TTC7B: variants seen among roughly 807,000 people sequenced by gnomAD.
TTC7B encodes the protein tetratricopeptide repeat domain 7B, also known as tetratricopeptide repeat protein 7B.
A neutral mutation model predicts 106.8 loss-of-function variants in TTC7B; 28 were observed. That is an observed-to-expected ratio of 0.26 (90% confidence interval 0.19 to 0.36). TTC7B has a LOEUF of 0.36. Ranked by LOEUF, TTC7B falls within the 10% of genes least tolerant of loss-of-function variation. The probability of loss-of-function intolerance (pLI) is 1.00; values close to 1 mark genes in which losing one functional copy is unlikely to be tolerated. For synonymous variants in TTC7B, 405 were observed against 430.6 expected (o/e 0.94, Z 0.74); for missense variants, 862 against 1,076.4 (o/e 0.80, Z 2.79).
At chr14:90,553,790 C>G (rs1055238644) in intron 19 of TTC7B, among the ~76,000 whole-genome samples, 1 of 152,214 alleles carries the variant, frequency 6.6e-6, no homozygotes, top group Non-Finnish European at 1.5e-5. Flanking sequence ...CATAGCTCCT[C>G]GAAGGAGACC....
At chr14:90,780,693 T>C (rs1279471778) in intron 3 of TTC7B, 45 bp downstream of exon 3, 1 of 1,587,360 alleles carries the variant, frequency 6.3e-7, no homozygotes, top group Non-Finnish European at 8.6e-7. Flanking sequence ...GAGGCGCTGC[T>C]GGCTCCAGGT....
chr14:90,754,450 G>C (rs2140010184), intron 3 of TTC7B, among the ~76,000 whole-genome samples: 1 of 152,312 alleles, frequency 6.6e-6, no homozygotes, highest in Middle Eastern at 3.4e-3. Context: ...CAGACACACA[G>C]AAAACAGTAA....
At chr14:90,628,322 G>A (rs779153477) in intron 15 of TTC7B, among the ~76,000 whole-genome samples, 2 of 152,146 alleles carry the variant, frequency 1.3e-5, no homozygotes, top group African/African-American at 2.4e-5. Context: ...AGCAAGTCCC[G>A]GGCCTCTTCT....
At chr14:90,561,344 G>A (rs1467887292) in intron 19 of TTC7B, among the ~76,000 whole-genome samples, 3 of 151,644 alleles carry the variant, frequency 2.0e-5, no homozygotes, top group African/African-American at 7.3e-5. Flanking sequence ...GTGTGCACGT[G>A]TGTGTGCATG....
At chr14:90,561,227 G>C (rs1459083431) in intron 19 of TTC7B, among the ~76,000 whole-genome samples, 3 of 152,218 alleles carry the variant, frequency 2.0e-5, no homozygotes, top group Non-Finnish European at 4.4e-5. Context: ...CTCCCCCGAG[G>C]GGCTGGGCCG....
chr14:90,766,279 A>G (rs1028415481), intron 3 of TTC7B, among the ~76,000 whole-genome samples: 4 of 152,106 alleles, frequency 2.6e-5, no homozygotes, highest in African/African-American at 9.7e-5. Flanking sequence ...ACAAAAATGG[A>G]AAGAGCAGCC....
At chr14:90,758,273 T>C (rs1462252220) in intron 3 of TTC7B, among the ~76,000 whole-genome samples, 1 of 145,438 alleles carries the variant, frequency 6.9e-6, no homozygotes, top group African/African-American at 2.5e-5. Flanking sequence ...GAACCAGTCC[T>C]GCAGTCCTGC....
intron 19 of TTC7B, among the ~76,000 whole-genome samples, chr14:90,554,322 G>A (rs951267775): frequency 2.6e-5 from 4 of 152,192 alleles, no homozygotes; most frequent in Admixed American, 6.5e-5. Flanking sequence ...TTCCCCAAAG[G>A]ACCAGCCATC....
intron 5 of TTC7B, among the ~76,000 whole-genome samples, chr14:90,722,468 A>C (rs575203163): frequency 1.3e-5 from 2 of 152,174 alleles, no homozygotes; most frequent in African/African-American, 4.8e-5. Flanking sequence ...TGGCTTCTCC[A>C]CACCTAGAGA....
Position 90,547,403 on chromosome 14 carries a change from G to A in TTC7B, c.2311-5814C>T, listed in dbSNP as rs536514126. Reference sequence around the variant, plus strand: ...GGGCGCCTGTGCCAGAGCCCCGGAAGGCTCCTGTGTGCAAGGTTTCCTGCT... The same window carrying A: ...GGGCGCCTGTGCCAGAGCCCCGGAAAGCTCCTGTGTGCAAGGTTTCCTGCT... On this transcript the variant is annotated intron_variant, in intron 19 of 19. Coordinates refer to ENST00000328459, the MANE Select transcript of TTC7B (RefSeq NM_001010854.2). Among the ~76,000 whole-genome samples the A allele has an allele frequency of 1.8e-4, 28 of 152,376 alleles. No individual in the cohort carries two copies. In the South Asian group the frequency reaches 4.3e-3, roughly 24 times the overall value.
At chr14:90,592,867 T>C (rs967634470) in intron 18 of TTC7B, among the ~76,000 whole-genome samples, 8 of 152,088 alleles carry the variant, frequency 5.3e-5, no homozygotes, top group African/African-American at 9.7e-5. Context: ...TGTCTCTCTA[T>C]GAAATTACAG....
At chr14:90,810,828 CA>C (rs1406135034) in intron 1 of TTC7B, among the ~76,000 whole-genome samples, 1 of 152,226 alleles carries the variant, frequency 6.6e-6, no homozygotes, top group Non-Finnish European at 1.5e-5. Flanking sequence ...CAGACCTTGA[CA>C]GATGGGTAGG....
chr14:90,712,088 G>A, intron 5 of TTC7B, among the ~76,000 whole-genome samples: 1 of 152,164 alleles, frequency 6.6e-6, no homozygotes, highest in Non-Finnish European at 1.5e-5. Flanking sequence ...GTAACCATAA[G>A]AGAAGTAGTG....
chr14:90,609,362 G>A (rs996366519), intron 17 of TTC7B, among the ~76,000 whole-genome samples: 1 of 152,226 alleles, frequency 6.6e-6, no homozygotes, highest in Non-Finnish European at 1.5e-5. Flanking sequence ...CAGGACTTTT[G>A]GATCTGATTT....
At chr14:90,756,078 C>T (rs1433200884) in intron 3 of TTC7B, among the ~76,000 whole-genome samples, 4 of 152,194 alleles carry the variant, frequency 2.6e-5, no homozygotes, top group African/African-American at 9.7e-5. Context: ...CACATGATGC[C>T]TTGTAATTTT....
chr14:90,797,430 C>A (rs1444392501), intron 1 of TTC7B, among the ~76,000 whole-genome samples: 6 of 150,452 alleles, frequency 4.0e-5, no homozygotes, highest in Non-Finnish European at 7.4e-5. Flanking sequence ...TGTACTCCAG[C>A]CTGGGCAACA....
At chr14:90,567,949 G>A (rs1015378494) in intron 19 of TTC7B, among the ~76,000 whole-genome samples, 6 of 152,180 alleles carry the variant, frequency 3.9e-5, no homozygotes, top group Non-Finnish European at 7.3e-5. Flanking sequence ...ATTTAAACTC[G>A]GTCTGAAGGT....
At chr14:90,656,867 T>C (rs1885966599) in intron 11 of TTC7B, among the ~76,000 whole-genome samples, 2 of 152,212 alleles carry the variant, frequency 1.3e-5, no homozygotes, top group Non-Finnish European at 2.9e-5. Context: ...CAGTCCCACA[T>C]TGCTTGAATA....
At chr14:90,673,015 A>G (rs1459373285) in intron 9 of TTC7B, among the ~76,000 whole-genome samples, 1 of 152,202 alleles carries the variant, frequency 6.6e-6, no homozygotes, top group Non-Finnish European at 1.5e-5. Context: ...CTAGGCTCAC[A>G]CGACTGGTAC....
Sources: gnomAD v4.1 joint callset for allele counts (sites outside exome capture counted in the v4.1 genomes callset) on GRCh38, gnomAD v4.1.1 for gene constraint, MANE v1.5 for transcripts, NCBI Gene and HGNC (gene_info 2026-07-23, HGNC 2026-07-21) for gene names.